The following SAE1 variants were observed in gnomAD, a reference collection of about 807,000 sequenced individuals.
SAE1 encodes SUMO1 activating enzyme subunit 1.
In SAE1, 11 loss-of-function variants were observed where a neutral mutation model predicts 40.6. That is an observed-to-expected ratio of 0.27 (90% CI 0.17 to 0.45). The LOEUF (loss-of-function observed/expected upper bound fraction) is 0.45. Ranked by LOEUF, SAE1 falls within the 20% of genes least tolerant of loss-of-function variation. The pLI is 1.00. For missense variants in SAE1, 373 were observed against 427.3 expected, an observed-to-expected ratio of 0.87 and a Z score of 1.12; for synonymous variants, 155 against 154.3, an observed-to-expected ratio of 1.00 and a Z score of -0.03.
intron 6 of SAE1, among the ~76,000 whole-genome samples, chr19:47,174,073 T>C (rs1310848775): frequency 6.6e-6 from 1 of 151,992 alleles, no homozygotes; most frequent in African/African-American, 2.4e-5. Flanking sequence ...CGTGAGCCAC[T>C]TCGCCCAGCC....
In SAE1 at chr19:47,131,031, C is replaced by T. The variant is rs368510819; in HGVS notation, c.98+3C>T. On this transcript the variant is annotated splice_donor_region_variant and intron_variant, in intron 1 of 8. Coordinates refer to ENST00000270225, the MANE Select transcript of SAE1 (RefSeq NM_005500.3). ...TGGGGACTGGAGGCCCAGAAACGGT[C>T]AGGGCCGGCGCGGCTTGAGGCCGCT... 3,613 of 1,535,460 alleles carry T rather than the reference C, an allele frequency of 2.4e-3. 35 individuals carry two copies. The highest frequency in any genetic ancestry group is 0.01 in the South Asian group (842 of 83,000).
At chr19:47,138,715 G>T (rs2058198053) in intron 1 of SAE1, among the ~76,000 whole-genome samples, 1 of 152,126 alleles carries the variant, frequency 6.6e-6, no homozygotes, top group South Asian at 2.1e-4. Flanking sequence ...TAGCACAGTG[G>T]TGTGTGGCTG....
chr19:47,131,650 T>G (rs946812155), intron 1 of SAE1, among the ~76,000 whole-genome samples: 2 of 150,508 alleles, frequency 1.3e-5, no homozygotes, highest in African/African-American at 4.9e-5. Context: ...TGTGTCTTGA[T>G]AGGACAGGAG....
chr19:47,180,267 A>G, intron 6 of SAE1: 1 of 456,284 alleles, frequency 2.2e-6, no homozygotes, highest in Non-Finnish European at 4.4e-6. Flanking sequence ...TCCTTGGAGA[A>G]ATGGCTGTTT....
intron 6 of SAE1, among the ~76,000 whole-genome samples, chr19:47,178,534 T>G (rs1297828227): frequency 6.6e-6 from 1 of 152,192 alleles, no homozygotes; most frequent in Non-Finnish European, 1.5e-5. Context: ...GAGTTGCAGG[T>G]GCAATCTCAG....
At chr19:47,167,399 C>T (rs1447610558) in intron 5 of SAE1, among the ~76,000 whole-genome samples, 1 of 151,974 alleles carries the variant, frequency 6.6e-6, no homozygotes. Flanking sequence ...GCCACCACGC[C>T]TGGCTAATTT....
chr19:47,179,197 A>G (rs937650654), intron 6 of SAE1, among the ~76,000 whole-genome samples: 4 of 150,136 alleles, frequency 2.7e-5, no homozygotes, highest in African/African-American at 7.4e-5. Flanking sequence ...GTCTCCAAAA[A>G]AAAAAAAAAA....
intron 6 of SAE1, among the ~76,000 whole-genome samples, chr19:47,188,292 A>G (rs1327338046): frequency 6.6e-6 from 1 of 152,048 alleles, no homozygotes. Context: ...TCCAGGCAGC[A>G]ATGAGCTGAG....
In SAE1 at chr19:47,150,234, G is replaced by A. The variant is rs1321898658; in HGVS notation, c.243G>A (p.Leu81=). 6.2e-7 allele frequency: 1 copy of A among 1,608,346 alleles called. No homozygotes were observed. The highest frequency in any genetic ancestry group is 1.1e-5 in the South Asian group (1 of 89,696). ...VTPEDPGAQF[L]IRTGSVGRNR... ...CAGAAGATCCCGGAGCTCAGTTCTT[G>A]ATTCGTACTGGGTCTGTTGGCCGAA... is the stretch of plus-strand genomic sequence containing the variant. Residue 81 remains leucine, a synonymous_variant, in exon 3 of 9, where the codon TTG becomes TTA. Coordinates refer to ENST00000270225, the MANE Select transcript of SAE1 (RefSeq NM_005500.3).
Position 47,181,830 on chromosome 19 carries a change from GAC to G in SAE1, c.733+11909_733+11910del, listed in dbSNP as rs765811007. ...TTTACAGAATTTTTTTTTTTTTTAAGACAGAGTCTTGCTCTAAGGCTGTAGTG... is the reference window on the plus strand; with the variant it reads ...TTTACAGAATTTTTTTTTTTTTTAAGAGAGTCTTGCTCTAAGGCTGTAGTG... On this transcript the variant is annotated intron_variant, in intron 6 of 8. Transcript: ENST00000270225. Among the ~76,000 whole-genome samples the G allele has an allele frequency of 2.6e-3, 307 of 119,144 alleles. 1 individual carries two copies. Among genetic ancestry groups the G allele is most frequent in the Admixed American group, 7.0e-3 (67 of 9,592 alleles). 78.2% of individuals were successfully genotyped at this position (119,144 alleles called of 152,430 possible). A position where few individuals can be genotyped will look rare whatever the true frequency, so the allele number is the denominator to read the frequency against.
intron 6 of SAE1, among the ~76,000 whole-genome samples, chr19:47,175,758 C>T: frequency 6.6e-6 from 1 of 152,072 alleles, no homozygotes. Flanking sequence ...AATAAAATAT[C>T]TCTAAACTAA....
chr19:47,169,947 C>A (rs545876971), intron 6 of SAE1, 24 bp downstream of exon 6: 10 of 1,553,108 alleles, frequency 6.4e-6, no homozygotes, highest in South Asian at 1.1e-5. Context: ...GCACAACTTA[C>A]CCCGGGAGAG....
intron 4 of SAE1, among the ~76,000 whole-genome samples, chr19:47,154,761 G>A (rs2058310463): frequency 6.6e-6 from 1 of 152,170 alleles, no homozygotes; most frequent in Admixed American, 6.5e-5. Context: ...CTCCCACAGT[G>A]CTGGGATTAC....
chr19:47,174,683 C>G (rs2058457648), intron 6 of SAE1, among the ~76,000 whole-genome samples: 1 of 151,306 alleles, frequency 6.6e-6, no homozygotes, highest in Admixed American at 6.7e-5. Context: ...CGCCATTCTC[C>G]TGCCTCAGCC....
At chr19:47,202,728 A>G (rs558374171) in intron 7 of SAE1, among the ~76,000 whole-genome samples, 12 of 148,170 alleles carry the variant, frequency 8.1e-5, no homozygotes, top group East Asian at 2.2e-4. Flanking sequence ...CCTGGCCAAC[A>G]TGGTGAAACC....
intron 2 of SAE1, among the ~76,000 whole-genome samples, chr19:47,147,083 G>A (rs1017206115): frequency 2.0e-5 from 3 of 151,846 alleles, no homozygotes; most frequent in African/African-American, 7.3e-5. Context: ...CTTGGGGACA[G>A]CCACACCTAA....
chr19:47,175,060 A>G (rs1405946404), intron 6 of SAE1, among the ~76,000 whole-genome samples: 2 of 150,918 alleles, frequency 1.3e-5, no homozygotes, highest in South Asian at 4.2e-4. Flanking sequence ...GATTTTTAAG[A>G]TCAAAGTTAG....
intron 5 of SAE1, among the ~76,000 whole-genome samples, chr19:47,155,829 G>A (rs1652253312): frequency 6.9e-6 from 1 of 144,482 alleles, no homozygotes; most frequent in Admixed American, 7.2e-5. Flanking sequence ...CAACCTCCAC[G>A]TCCCAGGTTC....
chr19:47,145,559 A>G (rs1308975916), intron 2 of SAE1, among the ~76,000 whole-genome samples: 3 of 152,078 alleles, frequency 2.0e-5, no homozygotes, highest in Non-Finnish European at 4.4e-5. Context: ...CTACATTCCC[A>G]TGCCTCAGTG....
Sources: gnomAD v4.1 joint callset for allele counts (sites outside exome capture counted in the v4.1 genomes callset) on GRCh38, gnomAD v4.1.1 for gene constraint, MANE v1.5 for transcripts, NCBI Gene and HGNC (gene_info 2026-07-23, HGNC 2026-07-21) for gene names.